The following USH2A variants were observed in gnomAD, a reference collection of about 807,000 sequenced individuals.
The protein encoded by USH2A is usherin.
Under a neutral mutation model 538.9 loss-of-function variants are expected in USH2A, and 443 were observed. The observed-to-expected ratio is 0.82, with a 90% confidence interval of 0.76 to 0.89. The LOEUF is 0.89. USH2A is among the 40% of genes least tolerant of loss of function. The probability of loss-of-function intolerance (pLI) is 0.00; values close to 1 mark genes in which losing one functional copy is unlikely to be tolerated. For missense variants in USH2A, 6,633 were observed against 6,324.8 expected (o/e 1.05, Z -1.65); for synonymous variants, 2,413 against 2,273.5 (o/e 1.06, Z -1.75).
intron 47 of USH2A, among the ~76,000 whole-genome samples, chr1:215,832,235 C>T (rs549645163): frequency 1.3e-4 from 20 of 151,934 alleles, no homozygotes; most frequent in African/African-American, 4.8e-4. Flanking sequence ...CACTTTTGTA[C>T]AATCTCTTCC....
In USH2A at chr1:216,246,673, T is replaced by G; in HGVS notation, c.2721A>C (p.Thr907=). Residue 907 remains threonine, a synonymous_variant, in exon 13 of 72, where the codon ACA becomes ACC. Coordinates refer to ENST00000307340, the MANE Select transcript of USH2A (RefSeq NM_206933.4). ...CQMCECDSLG[T]LPGTICDPIS... ...TTGGGTCACAAATGGTCCCAGGTAA[T>G]GTCCCCAAGGAATCACACTCACACA... The G allele has an allele frequency of 6.2e-7, 1 of 1,614,100 alleles. No homozygotes were observed.
intron 3 of USH2A, among the ~76,000 whole-genome samples, chr1:216,395,447 C>G (rs1215482422): frequency 6.6e-6 from 1 of 152,138 alleles, no homozygotes; most frequent in African/African-American, 2.4e-5. Context: ...ATTGCATAAG[C>G]CATTTTAGAA....
At chr1:216,307,737 TGAGA>T (rs576573266) in intron 9 of USH2A, among the ~76,000 whole-genome samples, 13 of 152,190 alleles carry the variant, frequency 8.5e-5, no homozygotes, top group Non-Finnish European at 1.5e-4. Flanking sequence ...TCCTGGGGGC[TGAGA>T]GAGTCCACAG....
chr1:215,872,864 T>TG (rs1664659624), intron 43 of USH2A, among the ~76,000 whole-genome samples: 1 of 152,016 alleles, frequency 6.6e-6, no homozygotes, highest in Non-Finnish European at 1.5e-5. Flanking sequence ...AGCGCCCTCT[T>TG]GCTCCCTCTC....
At chr1:215,646,973 C>T (rs1014583185) in intron 67 of USH2A, among the ~76,000 whole-genome samples, 2 of 152,288 alleles carry the variant, frequency 1.3e-5, no homozygotes, top group Admixed American at 1.3e-4. Flanking sequence ...TGTGCAAGTA[C>T]ATTCTATGAT....
chr1:215,844,306 G>C lies in USH2A; in HGVS notation c.9246C>G (p.Ile3082Met), dbSNP rs1298263410. Reference protein sequence around the residue: ...FILRDLSPFTIYDIQVEVCTI... With the variant: ...FILRDLSPFTMYDIQVEVCTI... The stretch of plus-strand genomic sequence containing the variant: ...ACAATGTTCTAACCTGAATGTCATA[G>C]ATAGTGAAGGGAGACAGGTCTCTCA... Residue 3082 changes from isoleucine (I) to methionine (M), a missense_variant, in exon 46 of 72, where the codon ATC becomes ATG. Transcript: ENST00000307340. 2 of 1,613,592 alleles carry C rather than the reference G, an allele frequency of 1.2e-6. No homozygotes were observed. The highest frequency in any genetic ancestry group is 3.3e-5 in the Admixed American group (2 of 59,906).
intron 13 of USH2A, among the ~76,000 whole-genome samples, chr1:216,233,448 C>T (rs933946199): frequency 6.6e-6 from 1 of 152,088 alleles, no homozygotes; most frequent in Non-Finnish European, 1.5e-5. Context: ...TATAATCAAT[C>T]TCATTTCCAC....
At chr1:216,167,400 G>C (rs1168501424) in intron 21 of USH2A, among the ~76,000 whole-genome samples, 1 of 152,138 alleles carries the variant, frequency 6.6e-6, no homozygotes, top group African/African-American at 2.4e-5. Context: ...GAGATCTCAG[G>C]AGATGGGTGA....
In USH2A at chr1:216,239,849, T is replaced by C. The variant is rs553446348; in HGVS notation, c.2809+6736A>G. ...AAGGTAAAATCAGCAGAATTGGTTT[T>C]ATTAGATGAGACAAAGGTTGTGGGG... is the stretch of plus-strand genomic sequence containing the variant. On this transcript the variant is annotated intron_variant, in intron 13 of 71. Coordinates refer to ENST00000307340, the MANE Select transcript of USH2A (RefSeq NM_206933.4). Among the ~76,000 whole-genome samples the C allele has an allele frequency of 2.0e-5, 3 of 152,196 alleles. No homozygotes were observed. In the East Asian group the frequency reaches 5.8e-4, roughly 29 times the overall value.
rs1263049995 is a variant in USH2A at position 215,634,683 on chromosome 1, C to T, written c.15073G>A (p.Gly5025Arg). The T allele has an allele frequency of 1.9e-6, 3 of 1,614,070 alleles. No individual in the cohort carries two copies. The highest frequency in any genetic ancestry group is 2.7e-5 in the African/African-American group (2 of 74,934). Residue 5025 changes from glycine (G) to arginine (R), a missense_variant, in exon 70 of 72, where the codon GGG becomes AGG. Coordinates refer to ENST00000307340, the MANE Select transcript of USH2A (RefSeq NM_206933.4). ...TTGCTCCGCGATCCCTTCTTTTTCC[C>T]AGGAGTTGTTAGGACCAAGCCTGCA... ...TGLGLVLTTP[G>R]KKKGSRSKST...
chr1:215,671,002 T>C lies in USH2A; in HGVS notation c.14103A>G (p.Glu4701=). The part of the protein sequence containing the change: ...NGSSTSFIDS[E]LLPFTEYEYQ... ...ACTCATACTCTGTGAAAGGCAATAG[T>C]TCGGAATCTATAAAAGATGTTGAGC... The change falls in exon 64 of 72, where the codon GAA becomes GAG. Residue 4701 remains glutamate (E), a synonymous_variant. Coordinates refer to ENST00000307340, the MANE Select transcript of USH2A (RefSeq NM_206933.4). 2 of 1,614,190 alleles carry C rather than the reference T, an allele frequency of 1.2e-6. No individual in the cohort carries two copies. The highest frequency in any genetic ancestry group is 2.2e-5 in the East Asian group (1 of 44,876).
At chr1:215,632,646 C>G (rs140677244) in intron 70 of USH2A, among the ~76,000 whole-genome samples, 7 of 152,220 alleles carry the variant, frequency 4.6e-5, no homozygotes, top group Admixed American at 4.6e-4. Context: ...TGGGAACCTC[C>G]CTTTCACCAC....
At chr1:216,368,046 T>C (rs2038633562) in intron 3 of USH2A, among the ~76,000 whole-genome samples, 1 of 152,142 alleles carries the variant, frequency 6.6e-6, no homozygotes. Context: ...TTAAATCCCC[T>C]TCATAAGAGA....
In USH2A at chr1:216,076,918, T is replaced by C. The variant is rs199600280; in HGVS notation, c.5572+1171A>G. 3.3e-5 allele frequency among the ~76,000 whole-genome samples: 5 copies of C among 152,250 alleles called. No homozygotes were observed. The East Asian group carries it at 7.7e-4, about 24-fold the overall frequency. ...GGTCCTATGCTGGAAGTTACTATGC[T>C]TTCCCCACTTTACAAAGGAGCATTG... On this transcript the variant is annotated intron_variant, in intron 27 of 71. Coordinates refer to ENST00000307340, the MANE Select transcript of USH2A (RefSeq NM_206933.4).
intron 3 of USH2A, among the ~76,000 whole-genome samples, chr1:216,399,956 G>A (rs1160899506): frequency 2.0e-5 from 3 of 151,794 alleles, no homozygotes; most frequent in African/African-American, 7.3e-5. Context: ...AAAAGAAGAT[G>A]AATTTGGATC....
At chr1:216,110,946 C>G (rs1362826678) in intron 21 of USH2A, among the ~76,000 whole-genome samples, 1 of 152,196 alleles carries the variant, frequency 6.6e-6, no homozygotes, top group Admixed American at 6.5e-5. Context: ...CTGTATCTGG[C>G]CGGGCATGGT....
At chr1:216,388,252 T>C (rs776035740) in intron 3 of USH2A, among the ~76,000 whole-genome samples, 2 of 152,178 alleles carry the variant, frequency 1.3e-5, no homozygotes, top group Non-Finnish European at 2.9e-5. Flanking sequence ...CAAGTAAATG[T>C]CAGGGAATAA....
At position 216,253,435 on chromosome 1, in the gene USH2A, G is replaced by T. The variant is rs577064127; in HGVS notation, c.1972-2337C>A. 4.6e-4 allele frequency among the ~76,000 whole-genome samples: 70 copies of T among 151,952 alleles called. 1 individual carries two copies. The highest frequency in any genetic ancestry group is 8.1e-4 in the Non-Finnish European group (55 of 67,986). On this transcript the variant is annotated intron_variant, in intron 11 of 71. Coordinates refer to ENST00000307340, the MANE Select transcript of USH2A (RefSeq NM_206933.4). ...TCCGCCTCGGCCTCCCAAATTGCTGGGATTACAGACCTGAGCCACTGCACC... is the reference window on the plus strand; with the variant it reads ...TCCGCCTCGGCCTCCCAAATTGCTGTGATTACAGACCTGAGCCACTGCACC...
At chr1:216,343,895 CA>C (rs1474331074) in intron 4 of USH2A, among the ~76,000 whole-genome samples, 1 of 151,838 alleles carries the variant, frequency 6.6e-6, no homozygotes, top group Non-Finnish European at 1.5e-5. Flanking sequence ...AAAAAATTAC[CA>C]TATGTTTTCT....
Sources: gnomAD v4.1 joint callset for allele counts (sites outside exome capture counted in the v4.1 genomes callset) on GRCh38, gnomAD v4.1.1 for gene constraint, MANE v1.5 for transcripts, NCBI Gene and HGNC (gene_info 2026-07-23, HGNC 2026-07-21) for gene names.